The following TMEM178B variants were observed in gnomAD, a reference collection of about 807,000 sequenced individuals.
TMEM178B encodes the protein transmembrane protein 178B.
In TMEM178B, 5 loss-of-function variants were observed where a neutral mutation model predicts 31.0. The observed-to-expected ratio is 0.16, with a 90% CI of 0.08 to 0.34. The LOEUF (loss-of-function observed/expected upper bound fraction) is 0.34, where lower values mean the gene tolerates loss of function less well. TMEM178B is among the 10% of genes least tolerant of loss of function. The pLI, the probability that TMEM178B is intolerant of heterozygous loss-of-function variation, is 1.00. For missense variants in TMEM178B, 275 were observed against 400.3 expected, an observed-to-expected ratio of 0.69 and a Z score of 2.67; for synonymous variants, 164 against 164.0, an observed-to-expected ratio of 1.00 and a Z score of 0.00.
At chr7:141,125,704 G>T (rs1405115530) in intron 1 of TMEM178B, among the ~76,000 whole-genome samples, 1 of 146,190 alleles carries the variant, frequency 6.8e-6, no homozygotes, top group Non-Finnish European at 1.5e-5. Context: ...AAAAGAAAAA[G>T]AAAAAGAAAA....
chr7:141,262,474 A>AATATATATATATATAT lies in TMEM178B; in HGVS notation c.496+49785_496+49800dup, dbSNP rs10570183. Among the ~76,000 whole-genome samples the AATATATATATATATAT allele has an allele frequency of 6.4e-3, 841 of 131,590 alleles. 9 individuals carry two copies. Among genetic ancestry groups the AATATATATATATATAT allele is most frequent in the Non-Finnish European group, 7.9e-3 (496 of 62,664 alleles). 86.3% of individuals were successfully genotyped at this position (131,590 alleles called of 152,430 possible). On this transcript the variant is annotated intron_variant, in intron 2 of 3. Transcript: ENST00000565468. ...AATGGAAAGCTTGATAAATACATAT[A>AATATATATATATATAT]ATATATATATATATATATATATATA...
chr7:141,354,831 C>T (rs1205579597), intron 2 of TMEM178B, among the ~76,000 whole-genome samples: 1 of 152,204 alleles, frequency 6.6e-6, no homozygotes, highest in African/African-American at 2.4e-5. Flanking sequence ...CACTGAGTTT[C>T]TCTCTTTCCT....
intron 1 of TMEM178B, among the ~76,000 whole-genome samples, chr7:141,078,956 A>G (rs1794641527): frequency 6.6e-6 from 1 of 152,160 alleles, no homozygotes; most frequent in Non-Finnish European, 1.5e-5. Context: ...GGGAGCCACA[A>G]CCCACATGTG....
chr7:141,182,539 G>T (rs547947183), intron 1 of TMEM178B, among the ~76,000 whole-genome samples: 8 of 152,322 alleles, frequency 5.3e-5, no homozygotes, highest in African/African-American at 1.7e-4. Flanking sequence ...GAATCACACA[G>T]GTAAGAGAAG....
chr7:141,197,685 T>A (rs2129185799), intron 1 of TMEM178B, among the ~76,000 whole-genome samples: 1 of 152,276 alleles, frequency 6.6e-6, no homozygotes, highest in Admixed American at 6.5e-5. Context: ...TAGGCTGGAG[T>A]GCAGTGGTGC....
intron 1 of TMEM178B, among the ~76,000 whole-genome samples, chr7:141,169,274 T>G (rs1188388311): frequency 6.6e-6 from 1 of 152,232 alleles, no homozygotes; most frequent in African/African-American, 2.4e-5. Flanking sequence ...TAGCTCCTGC[T>G]TATAAGTGAG....
At chr7:141,322,672 G>A (rs1799121751) in intron 2 of TMEM178B, among the ~76,000 whole-genome samples, 1 of 152,178 alleles carries the variant, frequency 6.6e-6, no homozygotes, top group Admixed American at 6.5e-5. Context: ...GACGTGTCGA[G>A]AACAAAGGCT....
chr7:141,442,176 A>G (rs1325087166), intron 3 of TMEM178B, among the ~76,000 whole-genome samples: 1 of 152,190 alleles, frequency 6.6e-6, no homozygotes, highest in Non-Finnish European at 1.5e-5. Context: ...CGGATCCCCA[A>G]GATGAGCATA....
At chr7:141,341,776 G>A (rs1024743836) in intron 2 of TMEM178B, among the ~76,000 whole-genome samples, 1 of 151,986 alleles carries the variant, frequency 6.6e-6, no homozygotes, top group African/African-American at 2.4e-5. Context: ...TTATGGCAAA[G>A]CTCATGTCTT....
At chr7:141,134,753 TA>T (rs1249389593) in intron 1 of TMEM178B, among the ~76,000 whole-genome samples, 1 of 152,222 alleles carries the variant, frequency 6.6e-6, no homozygotes, top group African/African-American at 2.4e-5. Flanking sequence ...AAAAATGACA[TA>T]AGTTTATGCT....
chr7:141,508,670 A>G, the TMEM178B span, among the ~76,000 whole-genome samples: 2 of 152,208 alleles, frequency 1.3e-5, no homozygotes, highest in African/African-American at 2.4e-5. Context: ...CACTTCTTAC[A>G]TGGTGGCAGC....
intron 3 of TMEM178B, among the ~76,000 whole-genome samples, chr7:141,459,512 C>T (rs886820271): frequency 3.3e-5 from 5 of 152,146 alleles, no homozygotes; most frequent in Admixed American, 6.6e-5. Context: ...TAATTGGTAG[C>T]TTGCTGTTTC....
chr7:141,126,776 C>T (rs898590768), intron 1 of TMEM178B, among the ~76,000 whole-genome samples: 6 of 152,212 alleles, frequency 3.9e-5, no homozygotes, highest in Non-Finnish European at 5.9e-5. Context: ...GTTAAAATCA[C>T]GTGCGAGACC....
In TMEM178B at chr7:141,148,793, G is replaced by A. The variant is rs538842668; in HGVS notation, c.383-63798G>A. Among the ~76,000 whole-genome samples the A allele has an allele frequency of 5.9e-5, 9 of 152,290 alleles. No homozygotes were observed. The East Asian group carries it at 9.6e-4, about 16-fold the overall frequency. ...GGTTCTAAGTGCCATGTAAGGAATC[G>A]AATTAAGAAAGGTGTGAGAAGATCT... is the stretch of plus-strand genomic sequence containing the variant. On this transcript the variant is annotated intron_variant, in intron 1 of 3. Coordinates refer to ENST00000565468, the MANE Select transcript of TMEM178B (RefSeq NM_001195278.2).
chr7:141,301,932 C>T lies in TMEM178B; in HGVS notation c.496+89228C>T, dbSNP rs200295657. Among the ~76,000 whole-genome samples the T allele has an allele frequency of 4.7e-4, 71 of 152,204 alleles. 1 individual carries two copies. The highest frequency in any genetic ancestry group is 3.5e-3 in the East Asian group (18 of 5,180). Reference sequence around the variant, plus strand: ...GTGATGACAGCATCCATTGTTCAGACGAAGAAGTTGAGGCTGGGTACAGTA... The same window carrying T: ...GTGATGACAGCATCCATTGTTCAGATGAAGAAGTTGAGGCTGGGTACAGTA... On this transcript the variant is annotated intron_variant, in intron 2 of 3. Transcript: ENST00000565468.
chr7:141,166,051 A>C (rs924684948), intron 1 of TMEM178B, among the ~76,000 whole-genome samples: 14 of 152,186 alleles, frequency 9.2e-5, no homozygotes, highest in Non-Finnish European at 1.9e-4. Flanking sequence ...CTAGCTAAAA[A>C]TTGGGGTGCT....
chr7:141,203,330 T>TGTCA (rs1283459365), intron 1 of TMEM178B, among the ~76,000 whole-genome samples: 2 of 152,140 alleles, frequency 1.3e-5, no homozygotes, highest in African/African-American at 4.8e-5. Flanking sequence ...GTCTAAGAAC[T>TGTCA]GTCAGCCCAT....
intron 1 of TMEM178B, among the ~76,000 whole-genome samples, chr7:141,187,827 A>G (rs1191891741): frequency 6.6e-6 from 1 of 152,200 alleles, no homozygotes; most frequent in Non-Finnish European, 1.5e-5. Context: ...AGTTCATTGT[A>G]GATTCTGGAT....
chr7:141,328,643 C>T (rs6964939), intron 2 of TMEM178B, among the ~76,000 whole-genome samples: 14,301 of 152,196 alleles, frequency 0.094, 1,447 homozygotes, highest in African/African-American at 0.26. Flanking sequence ...CAACACTTGG[C>T]ATGAAGCTTT....
Sources: allele counts gnomAD v4.1 joint callset (sites outside exome capture counted in the v4.1 genomes callset), GRCh38; gene constraint gnomAD v4.1.1; transcripts MANE v1.5; gene names NCBI Gene and HGNC (gene_info 2026-07-23, HGNC 2026-07-21).